Variants in DDI2 observed in about 807,000 individuals in gnomAD.
DDI2 encodes the protein DDI proteasomal shuttling factor 2.
DDI2 carries 5 observed loss-of-function variants against 48.1 expected under a neutral mutation model. The observed-to-expected ratio is 0.10, with a 90% CI of 0.05 to 0.22. DDI2 has a LOEUF of 0.22. Among genes scored for constraint, DDI2 ranks in the 10% least tolerant of loss-of-function variants. DDI2 has a pLI of 1.00. For missense variants in DDI2, 285 were observed against 506.2 expected (o/e 0.56, Z 4.19); for synonymous variants, 205 against 183.6 (o/e 1.12, Z -0.94).
Position 15,651,842 on chromosome 1 carries a change from A to G in DDI2, c.1130A>G (p.Glu377Gly). ...GGAAGAGAGGATGTACGGCCAGAGG[A>G]GATTGCAGACCAAGAATTAGCAGAA... Reference protein sequence around the residue: ...GAGREDVRPEEIADQELAEAL... With the variant: ...GAGREDVRPEGIADQELAEAL... The change falls in exon 8 of 10, where the codon GAG becomes GGG. Residue 377 changes from glutamate to glycine, a missense_variant. Glu to Gly is a moderately conservative substitution (Grantham distance 98). Around this residue, in one of 3 missense-constraint regions of DDI2, gnomAD observed 66 missense variants for 87.3 expected, o/e 0.76. Coordinates refer to ENST00000480945, the MANE Select transcript of DDI2 (RefSeq NM_032341.5). The G allele has an allele frequency of 6.2e-7, 1 of 1,613,812 alleles. No individual in the cohort carries two copies. The highest frequency in any genetic ancestry group is 8.5e-7 in the Non-Finnish European group (1 of 1,179,884).
At chr1:15,640,020 GAA>G (rs1330278500) in intron 5 of DDI2, among the ~76,000 whole-genome samples, 2 of 139,236 alleles carry the variant, frequency 1.4e-5, no homozygotes, top group African/African-American at 2.6e-5. Context: ...GCCTTCGGGG[GAA>G]AAAAAAAAAA....
intron 4 of DDI2, among the ~76,000 whole-genome samples, chr1:15,635,566 C>T (rs888607999): frequency 2.6e-5 from 4 of 152,104 alleles, no homozygotes; most frequent in Non-Finnish European, 4.4e-5. Flanking sequence ...CCACCACGCC[C>T]GGCTATTTTG....
chr1:15,635,618 T>C (rs1639916449), intron 4 of DDI2, among the ~76,000 whole-genome samples: 1 of 152,194 alleles, frequency 6.6e-6, no homozygotes, highest in Admixed American at 6.6e-5. Context: ...TTGGCCAGGC[T>C]GGTCTCAAAC....
chr1:15,622,162 A>G (rs1299087446), intron 1 of DDI2, among the ~76,000 whole-genome samples: 1 of 147,750 alleles, frequency 6.8e-6, no homozygotes, highest in Non-Finnish European at 1.5e-5. Context: ...TATCCTCAAC[A>G]TGTTGGGGTC....
At chr1:15,649,398 C>T (rs151104838) in intron 6 of DDI2, among the ~76,000 whole-genome samples, 17 of 150,496 alleles carry the variant, frequency 1.1e-4, no homozygotes, top group Admixed American at 2.7e-4. Context: ...CAGCTGGACA[C>T]GGTGGCTCAT....
intron 2 of DDI2, among the ~76,000 whole-genome samples, chr1:15,628,712 A>G (rs912706227): frequency 2.0e-5 from 3 of 150,912 alleles, no homozygotes; most frequent in African/African-American, 7.3e-5. Context: ...TCTTTTTTAA[A>G]TAACAGTTTT....
intron 3 of DDI2, among the ~76,000 whole-genome samples, chr1:15,632,556 A>T (rs1639861657): frequency 2.6e-5 from 4 of 152,192 alleles, no homozygotes; most frequent in African/African-American, 9.7e-5. Context: ...ATTGCAAAAT[A>T]GGTTCTTGTT....
intron 2 of DDI2, among the ~76,000 whole-genome samples, chr1:15,629,028 C>G (rs1639803081): frequency 6.6e-6 from 1 of 152,122 alleles, no homozygotes; most frequent in Non-Finnish European, 1.5e-5. Flanking sequence ...TCAGTTCCAC[C>G]TGGCATATAG....
At chr1:15,622,013 T>C (rs1186091781) in intron 1 of DDI2, among the ~76,000 whole-genome samples, 11 of 152,200 alleles carry the variant, frequency 7.2e-5, no homozygotes, top group Non-Finnish European at 1.6e-4. Flanking sequence ...GGTAATACTA[T>C]TATGAAGCCA....
chr1:15,661,720 T>C lies in DDI2; in HGVS notation c.*1930T>C. ...CGCAAAAAACATCGTAGTTCCTACA[T>C]GACTGTGGGAAAGTGGGCTAGACCG... On this transcript the variant is annotated 3_prime_UTR_variant, in exon 10 of 10. Coordinates refer to ENST00000480945, the MANE Select transcript of DDI2 (RefSeq NM_032341.5). 1.9e-6 allele frequency: 3 copies of C among 1,605,018 alleles called. No individual in the cohort carries two copies. Among genetic ancestry groups the C allele is most frequent in the African/African-American group, 2.7e-5 (2 of 74,844 alleles).
Position 15,664,153 on chromosome 1 carries a change from G to A in DDI2, c.*4363G>A, listed in dbSNP as rs181103506. 1 of 152,188 alleles carries A rather than the reference G, an allele frequency of 6.6e-6. No individual in the cohort carries two copies. The highest frequency in any genetic ancestry group is 6.5e-5 in the Admixed American group (1 of 15,278). 9.4% of individuals were successfully genotyped at this position (152,188 alleles called of 1,614,324 possible). ...TGGGGCTTAATCATCCTTCTGAGTAGCTGGGACTACATAAAGGCCAAAGTA... is the reference window on the plus strand; with the variant it reads ...TGGGGCTTAATCATCCTTCTGAGTAACTGGGACTACATAAAGGCCAAAGTA... On this transcript the variant is annotated 3_prime_UTR_variant, in exon 10 of 10. Coordinates refer to ENST00000480945, the MANE Select transcript of DDI2 (RefSeq NM_032341.5).
chr1:15,651,099 C>T (rs576563281), intron 7 of DDI2, among the ~76,000 whole-genome samples: 10 of 151,898 alleles, frequency 6.6e-5, no homozygotes, highest in Admixed American at 2.0e-4. Context: ...GTGATCCGCC[C>T]GCCTCAGCCT....
In DDI2 at chr1:15,668,165, A is replaced by C. The variant is rs529305757; in HGVS notation, c.*8375A>C. The C allele has an allele frequency of 2.0e-5, 3 of 152,298 alleles. No individual in the cohort carries two copies. Among genetic ancestry groups the C allele is most frequent in the African/African-American group, 7.2e-5 (3 of 41,550 alleles). The allele number at this position is 152,298 out of a possible 1,614,324, so 9.4% of individuals were successfully genotyped here. On this transcript the variant is annotated 3_prime_UTR_variant, in exon 10 of 10. Coordinates refer to ENST00000480945, the MANE Select transcript of DDI2 (RefSeq NM_032341.5). Reference sequence around the variant, plus strand: ...GATGGGAAGTTATTTTGTTTACAAGAGTTGGTTTTACACACAACCCTGAAT... The same window carrying C: ...GATGGGAAGTTATTTTGTTTACAAGCGTTGGTTTTACACACAACCCTGAAT...
At chr1:15,628,089 A>G (rs1196072933) in intron 2 of DDI2, among the ~76,000 whole-genome samples, 1 of 151,086 alleles carries the variant, frequency 6.6e-6, no homozygotes, top group Admixed American at 6.6e-5. Context: ...ATTGTTGTTT[A>G]TGGACAAGAG....
intron 3 of DDI2, 79 bp downstream of exon 3, chr1:15,630,640 A>G: frequency 2.1e-6 from 2 of 946,630 alleles, no homozygotes; most frequent in Non-Finnish European, 1.7e-6. Context: ...AAGAGACTCA[A>G]GCGACACTGT....
intron 5 of DDI2, among the ~76,000 whole-genome samples, chr1:15,641,072 G>A (rs1470368851): frequency 6.6e-6 from 1 of 152,220 alleles, no homozygotes; most frequent in Admixed American, 6.5e-5. Flanking sequence ...GTGGAGCCAG[G>A]ATGGGGTGGG....
chr1:15,658,754 T>TA (rs3070655), intron 9 of DDI2, among the ~76,000 whole-genome samples: 65,416 of 145,516 alleles, frequency 0.45, 15,064 homozygotes, highest in East Asian at 0.88. Flanking sequence ...AACACAGTCT[T>TA]AAAAAAAAAA....
At chr1:15,655,502 A>C (rs950530623) in intron 8 of DDI2, among the ~76,000 whole-genome samples, 8 of 151,824 alleles carry the variant, frequency 5.3e-5, no homozygotes, top group African/African-American at 9.7e-5. Flanking sequence ...CTGTAATCCC[A>C]ACACTTTGGG....
At chr1:15,640,829 T>C (rs1434146104) in intron 5 of DDI2, among the ~76,000 whole-genome samples, 12 of 152,126 alleles carry the variant, frequency 7.9e-5, no homozygotes, top group Admixed American at 7.9e-4. Flanking sequence ...GTGAGTAATA[T>C]GAGCAGGAAG....
Sources: gnomAD v4.1 joint callset for allele counts (sites outside exome capture counted in the v4.1 genomes callset) on GRCh38, gnomAD v4.1.1 for gene constraint, gnomAD v4.1.1 regional missense constraint, MANE v1.5 for transcripts, NCBI Gene and HGNC (gene_info 2026-07-23, HGNC 2026-07-21) for gene names.